Variants in NUSAP1 observed in about 807,000 individuals in gnomAD.
NUSAP1 encodes nucleolar and spindle associated protein 1.
NUSAP1 carries 32 observed loss-of-function variants against 52.8 expected under a neutral mutation model. That is an observed-to-expected ratio of 0.61 (90% CI 0.46 to 0.81). NUSAP1 has a LOEUF of 0.81. Ranked by LOEUF, NUSAP1 falls within the 40% of genes least tolerant of loss-of-function variation. The pLI, the probability that NUSAP1 is intolerant of heterozygous loss-of-function variation, is 0.00. For synonymous variants in NUSAP1, 195 were observed against 183.1 expected (o/e 1.06, Z -0.52); for missense variants, 499 against 522.3 (o/e 0.96, Z 0.43).
At chr15:41,369,668 G>A (rs2049582191) in intron 7 of NUSAP1, among the ~76,000 whole-genome samples, 2 of 151,894 alleles carry the variant, frequency 1.3e-5, no homozygotes, top group South Asian at 4.1e-4. Flanking sequence ...GAACACCATG[G>A]TCAGAGGTTT....
chr15:41,373,448 CTTTTTTTTT>C (rs763340655), intron 8 of NUSAP1, among the ~76,000 whole-genome samples: 28 of 117,294 alleles, frequency 2.4e-4, no homozygotes, highest in African/African-American at 8.9e-4. Context: ...AATTCATATT[CTTTTTTTTT>C]TTTTTTTTTT....
intron 2 of NUSAP1, among the ~76,000 whole-genome samples, chr15:41,343,968 A>G (rs1167670258): frequency 6.6e-6 from 1 of 151,532 alleles, no homozygotes; most frequent in Non-Finnish European, 1.5e-5. Context: ...CTGTAATCCC[A>G]GCACTTTGGT....
intron 2 of NUSAP1, among the ~76,000 whole-genome samples, chr15:41,348,291 C>T (rs1034494667): frequency 1.3e-5 from 2 of 152,178 alleles, no homozygotes; most frequent in African/African-American, 4.8e-5. Context: ...GTTGGCCAGG[C>T]TGGTCTCGAA....
chr15:41,336,974 C>T (rs2048176009), intron 1 of NUSAP1, among the ~76,000 whole-genome samples: 1 of 150,544 alleles, frequency 6.6e-6, no homozygotes, highest in African/African-American at 2.4e-5. Flanking sequence ...ACCACCAAAT[C>T]CCCCCCTTTT....
intron 7 of NUSAP1, among the ~76,000 whole-genome samples, chr15:41,370,958 T>C (rs972574020): frequency 6.6e-6 from 1 of 152,132 alleles, no homozygotes; most frequent in South Asian, 2.1e-4. Context: ...TGACATCTTA[T>C]GAATTGTAAA....
intron 1 of NUSAP1, among the ~76,000 whole-genome samples, chr15:41,337,919 CTTTTCTT>C (rs1319154929): frequency 9.9e-5 from 14 of 142,108 alleles, no homozygotes; most frequent in South Asian, 6.7e-4. Context: ...ATTTTTTTTT[CTTTTCTT>C]TTTTCTTTTT....
chr15:41,379,831 G>A (rs2050137435), intron 10 of NUSAP1, among the ~76,000 whole-genome samples: 2 of 152,162 alleles, frequency 1.3e-5, no homozygotes, highest in South Asian at 4.1e-4. Flanking sequence ...TCAGGCATGA[G>A]CCATCGCGCC....
chr15:41,364,121 C>A (rs1201366119), intron 6 of NUSAP1, among the ~76,000 whole-genome samples: 1 of 152,186 alleles, frequency 6.6e-6, no homozygotes, highest in Non-Finnish European at 1.5e-5. Flanking sequence ...TTGTGAGCCA[C>A]TACACCTGGC....
intron 10 of NUSAP1, among the ~76,000 whole-genome samples, chr15:41,378,944 G>GTTGTTTTTTTTTT (rs2050091479): frequency 1.6e-5 from 1 of 63,270 alleles, no homozygotes; most frequent in Non-Finnish European, 2.7e-5. Context: ...ACTTATCTTG[G>GTTGTTTTTTTTTT]TTTTTTTTTT....
chr15:41,377,307 A>G lies in NUSAP1; in HGVS notation c.1232+3A>G. On this transcript the variant is annotated splice_donor_region_variant and intron_variant, in intron 10 of 10. Transcript: ENST00000559596. ...AAACAACCCCATCTCCAGACAAAGT[A>G]AGTACATAATTATCCAGCTTTATAA... 2 of 1,374,192 alleles carry G rather than the reference A, an allele frequency of 1.5e-6. No individual in the cohort carries two copies. Among genetic ancestry groups the G allele is most frequent in the Non-Finnish European group, 2.0e-6 (2 of 997,346 alleles). 85.1% of individuals were successfully genotyped at this position (1,374,192 alleles called of 1,614,324 possible).
intron 6 of NUSAP1, among the ~76,000 whole-genome samples, chr15:41,361,123 G>A (rs967745660): frequency 1.5e-4 from 23 of 149,966 alleles, no homozygotes; most frequent in African/African-American, 5.6e-4. Context: ...CCAGGGCGTG[G>A]TGGCTCACAC....
At chr15:41,371,156 A>G (rs757904368) in intron 7 of NUSAP1, among the ~76,000 whole-genome samples, 2 of 152,174 alleles carry the variant, frequency 1.3e-5, no homozygotes, top group Admixed American at 1.3e-4. Context: ...CTAGCATAGC[A>G]GTCTTCTGCT....
Position 41,380,083 on chromosome 15 carries a change from T to C in NUSAP1, c.1233-10T>C, listed in dbSNP as rs1309917983. The C allele has an allele frequency of 6.4e-7, 1 of 1,566,048 alleles. No homozygotes were observed. The highest frequency in any genetic ancestry group is 1.2e-5 in the South Asian group (1 of 84,778). ...TCCCTAGAGCTTAATGTGTGACCTATCCCTCTCAGGGAAGAGCAACGGAAG... is the reference window on the plus strand; with the variant it reads ...TCCCTAGAGCTTAATGTGTGACCTACCCCTCTCAGGGAAGAGCAACGGAAG... On this transcript the variant is annotated splice_polypyrimidine_tract_variant and intron_variant, in intron 10 of 10. Transcript: ENST00000559596.
chr15:41,352,046 C>G (rs1285278471), intron 4 of NUSAP1: 5 of 151,786 alleles, frequency 3.3e-5, no homozygotes, highest in Non-Finnish European at 5.9e-5. Flanking sequence ...TGGGTTCAAG[C>G]GATTCTCCAG....
chr15:41,336,999 CTTTTTTTTTTTTTTTT>C (rs201223527), intron 1 of NUSAP1, among the ~76,000 whole-genome samples: 1 of 65,826 alleles, frequency 1.5e-5, no homozygotes, highest in African/African-American at 7.2e-5. Context: ...CTTTCCTTTT[CTTTTTTTTTTTTTTTT>C]TTTTTTTTTG....
intron 1 of NUSAP1, among the ~76,000 whole-genome samples, chr15:41,341,807 G>C (rs941532011): frequency 4.6e-5 from 7 of 152,196 alleles, no homozygotes; most frequent in Non-Finnish European, 2.9e-5. Context: ...ACTCTTCAGA[G>C]ACTGCCCTTT....
intron 6 of NUSAP1, among the ~76,000 whole-genome samples, chr15:41,361,210 A>C (rs1378019864): frequency 1.3e-5 from 2 of 152,040 alleles, no homozygotes; most frequent in South Asian, 2.1e-4. Flanking sequence ...CCTGACCAAC[A>C]TGGAGAAACC....
At chr15:41,351,544 G>A (rs1187649580) in intron 4 of NUSAP1, among the ~76,000 whole-genome samples, 1 of 152,100 alleles carries the variant, frequency 6.6e-6, no homozygotes, top group Non-Finnish European at 1.5e-5. Context: ...CCATTACTTT[G>A]GGAAGCCAAG....
intron 2 of NUSAP1, among the ~76,000 whole-genome samples, chr15:41,346,267 C>A (rs2048563717): frequency 6.6e-6 from 1 of 151,670 alleles, no homozygotes; most frequent in Admixed American, 6.6e-5. Flanking sequence ...AAGCTTTATT[C>A]TTTCATTCCC....
Sources: allele counts gnomAD v4.1 joint callset (sites outside exome capture counted in the v4.1 genomes callset), GRCh38; gene constraint gnomAD v4.1.1; transcripts MANE v1.5; gene names NCBI Gene and HGNC (gene_info 2026-07-23, HGNC 2026-07-21).